The following DDX18 variants were observed in gnomAD, a reference collection of about 807,000 sequenced individuals.
The protein encoded by DDX18 is ATP-dependent RNA helicase DDX18.
In DDX18, 23 loss-of-function variants were observed where a neutral mutation model predicts 73.5. The observed-to-expected ratio is 0.31, with a 90% CI of 0.23 to 0.44. DDX18 has a LOEUF of 0.44. Among genes scored for constraint, DDX18 ranks in the 20% least tolerant of loss-of-function variants. The pLI, the probability that DDX18 is intolerant of heterozygous loss-of-function variation, is 1.00. For missense variants in DDX18, 753 were observed against 792.9 expected (o/e 0.95, Z 0.60); for synonymous variants, 268 against 282.7 (o/e 0.95, Z 0.52).
chr2:117,830,449 G>A, intron 13 of DDX18, 133 bp from the exon 14 acceptor site: 1 of 1,121,554 alleles, frequency 8.9e-7, no homozygotes, highest in Non-Finnish European at 1.2e-6. Context: ...ATAGGCTTAT[G>A]TTCCCACATT....
chr2:117,829,773 G>A (rs1679991368), intron 13 of DDX18, among the ~76,000 whole-genome samples: 1 of 152,152 alleles, frequency 6.6e-6, no homozygotes, highest in Non-Finnish European at 1.5e-5. Context: ...AGAAACACAG[G>A]TTAAAAAAAT....
chr2:117,825,787 G>A (rs1454709928), intron 10 of DDX18, 188 bp downstream of exon 10: 3 of 585,956 alleles, frequency 5.1e-6, no homozygotes, highest in Non-Finnish European at 8.6e-6. Flanking sequence ...TGTGCCAGAG[G>A]ATTGAAAAGG....
intron 10 of DDX18, chr2:117,825,965 G>A (rs979160303): frequency 4.4e-5 from 16 of 363,826 alleles, no homozygotes; most frequent in East Asian, 8.8e-5. Flanking sequence ...GATTAAAGCC[G>A]TTTTGATGAT....
Position 117,831,017 on chromosome 2 carries a change from G to T in DDX18, c.*293G>T. 1 of 316,578 alleles carries T rather than the reference G, an allele frequency of 3.2e-6. No individual in the cohort carries two copies. Among genetic ancestry groups the T allele is most frequent in the Non-Finnish European group, 5.7e-6 (1 of 174,592 alleles). The allele number at this position is 316,578 out of a possible 1,614,324, so 19.6% of individuals were successfully genotyped here. A position where few individuals can be genotyped will look rare whatever the true frequency, so the allele number is the denominator to read the frequency against. ...ATATCCCTCCCTCATACAAGTGTAT[G>T]TTACCATTTTAATATAATTCTTTTT... On this transcript the variant is annotated 3_prime_UTR_variant, in exon 14 of 14. Coordinates refer to ENST00000263239, the MANE Select transcript of DDX18 (RefSeq NM_006773.4).
In DDX18 at chr2:117,819,751, A is replaced by T. The variant is rs752875674; in HGVS notation, c.473A>T (p.Glu158Val). 3 of 1,608,394 alleles carry T rather than the reference A, an allele frequency of 1.9e-6. No individual in the cohort carries two copies. Among genetic ancestry groups the T allele is most frequent in the Non-Finnish European group, 2.5e-6 (3 of 1,178,068 alleles). ...ENNVEKPDND[E>V]DESEVPSLPL... ...AATGTGGAGAAGCCAGATAATGATG[A>T]AGATGAGAGTGAGGTGCCCAGTCTG... The change falls in exon 3 of 14, where the codon GAA becomes GTA. Residue 158 changes from glutamate to valine, a missense_variant. Physicochemically the swap from Glu to Val is moderately radical, Grantham distance 121. This residue lies in a region of DDX18 where 345 missense variants were observed against 352.0 expected (regional missense o/e 0.98). Transcript: ENST00000263239.
chr2:117,814,844 C>T lies in DDX18; in HGVS notation c.67C>T (p.Arg23Trp), dbSNP rs1679728380. The change falls in exon 1 of 14, where the codon CGG becomes TGG. Residue 23 changes from arginine to tryptophan, a missense_variant. Coordinates refer to ENST00000263239, the MANE Select transcript of DDX18 (RefSeq NM_006773.4). ...IEKRNLKLRQ[R>W]NLKFQGASNL... Reference sequence around the variant, plus strand: ...GAAGCGGAACCTCAAATTGCGGCAGCGGAACCTAAAGTTTCAGGGTGAGAT... The same window carrying T: ...GAAGCGGAACCTCAAATTGCGGCAGTGGAACCTAAAGTTTCAGGGTGAGAT... 6.2e-7 allele frequency: 1 copy of T among 1,614,186 alleles called. No homozygotes were observed. The highest frequency in any genetic ancestry group is 1.3e-5 in the African/African-American group (1 of 75,048).
chr2:117,825,113 T>G lies in DDX18; in HGVS notation c.1368+12T>G. 2 of 1,603,148 alleles carry G rather than the reference T, an allele frequency of 1.2e-6. No homozygotes were observed. The highest frequency in any genetic ancestry group is 1.7e-6 in the Non-Finnish European group (2 of 1,176,754). On this transcript the variant is annotated intron_variant, in intron 9 of 13. Transcript: ENST00000263239. ...TCTTGGCCATTCATGTAAGTGATGA[T>G]GATGAGCTCATTGAAAACAGGGTAT... is the stretch of plus-strand genomic sequence containing the variant.
At chr2:117,817,775 A>G in intron 2 of DDX18, 47 bp downstream of exon 2, 1 of 1,539,446 alleles carries the variant, frequency 6.5e-7, no homozygotes, top group East Asian at 2.2e-5. Flanking sequence ...TTTTTCACAG[A>G]CGGTTATTGT....
intron 1 of DDX18, 30 bp from the exon 2 acceptor site, chr2:117,817,414 T>C (rs1021846047): frequency 3.9e-6 from 6 of 1,531,450 alleles, no homozygotes; most frequent in Non-Finnish European, 5.2e-6. Context: ...TCCTTCTTTG[T>C]CACAGTATAT....
chr2:117,817,687 A>G lies in DDX18; in HGVS notation c.329A>G (p.Lys110Arg). The change falls in exon 2 of 14, where the codon AAA becomes AGA. Residue 110 changes from lysine to arginine, a missense_variant. Coordinates refer to ENST00000263239, the MANE Select transcript of DDX18 (RefSeq NM_006773.4). ...TCTTCCAATTCAGAATCAAAAAAGA[A>G]AAAGAAGAAAAAGAGAAAAATGGTG... ...MQSSNSESKK[K>R]KKKKRKMVND... The G allele has an allele frequency of 1.2e-6, 2 of 1,601,066 alleles. No homozygotes were observed. Among genetic ancestry groups the G allele is most frequent in the Non-Finnish European group, 1.7e-6 (2 of 1,174,716 alleles).
chr2:117,826,652 C>G (rs767165778), intron 11 of DDX18: 51 of 436,388 alleles, frequency 1.2e-4, no homozygotes, highest in Non-Finnish European at 2.0e-4. Context: ...CTCTTTGAAA[C>G]CTTCTCCACT....
At chr2:117,815,738 A>G (rs1679746239) in intron 1 of DDX18, 2 of 152,246 alleles carry the variant, frequency 1.3e-5, no homozygotes, top group South Asian at 4.1e-4. Flanking sequence ...GTAAATTTGA[A>G]CAAAAGATGG....
rs993719162 is a variant in DDX18, at chr2:117,830,882, C to T, written c.*158C>T. 1.6e-5 allele frequency: 12 copies of T among 764,376 alleles called. No individual in the cohort carries two copies. Among genetic ancestry groups the T allele is most frequent in the Admixed American group, 1.4e-4 (4 of 28,554 alleles). 47.3% of individuals were successfully genotyped at this position (764,376 alleles called of 1,614,324 possible). On this transcript the variant is annotated 3_prime_UTR_variant, in exon 14 of 14. Transcript: ENST00000263239. ...GCACTGAGCACTGTTACTTCTATCA[C>T]GTCTCTCTTTTATTTCTGGGATATA... is the stretch of plus-strand genomic sequence containing the variant.
intron 2 of DDX18, among the ~76,000 whole-genome samples, chr2:117,818,532 G>A (rs1207191991): frequency 6.6e-6 from 1 of 152,158 alleles, no homozygotes; most frequent in African/African-American, 2.4e-5. Context: ...TCTTCATGAT[G>A]CCTACACACA....
At chr2:117,824,102 G>C (rs1451504560) in intron 7 of DDX18, among the ~76,000 whole-genome samples, 1 of 152,140 alleles carries the variant, frequency 6.6e-6, no homozygotes, top group African/African-American at 2.4e-5. Flanking sequence ...TTGGTCCATA[G>C]TTTTCTTGTC....
At position 117,831,395 on chromosome 2, in the gene DDX18, A is replaced by G. The variant is rs1680022192; in HGVS notation, c.*671A>G. 1 of 152,288 alleles carries G rather than the reference A, an allele frequency of 6.6e-6. No individual in the cohort carries two copies. The highest frequency in any genetic ancestry group is 2.4e-5 in the African/African-American group (1 of 41,464). The allele number at this position is 152,288 out of a possible 1,614,324, so 9.4% of individuals were successfully genotyped here. ...TTGAATAAAGTGTCACTAAGCAGTT[A>G]TAACGTTTGATGGCTGGGGGGTAGG... On this transcript the variant is annotated 3_prime_UTR_variant, in exon 14 of 14. Transcript: ENST00000263239.
chr2:117,829,269 A>T lies in DDX18; in HGVS notation c.1693-20A>T. ...TTGTTTGTTTTTGTTTATTAAAACC[A>T]GTGTTTCTTTCTATTTCAGCTTGAG... On this transcript the variant is annotated intron_variant, in intron 12 of 13. Transcript: ENST00000263239. 1 of 1,570,452 alleles carries T rather than the reference A, an allele frequency of 6.4e-7. No homozygotes were observed. Among genetic ancestry groups the T allele is most frequent in the Non-Finnish European group, 8.6e-7 (1 of 1,162,598 alleles).
chr2:117,829,695 C>G (rs2104627912), intron 13 of DDX18, among the ~76,000 whole-genome samples: 1 of 152,240 alleles, frequency 6.6e-6, no homozygotes, highest in Admixed American at 6.5e-5. Flanking sequence ...CAGCTTATGC[C>G]TTGAGCCTTC....
intron 2 of DDX18, among the ~76,000 whole-genome samples, chr2:117,818,391 A>G (rs1469276592): frequency 6.6e-6 from 1 of 152,192 alleles, no homozygotes; most frequent in Non-Finnish European, 1.5e-5. Context: ...CAAAGCCTAA[A>G]CTATTTACTA....
Sources: allele counts gnomAD v4.1 joint callset (sites outside exome capture counted in the v4.1 genomes callset), GRCh38; gene constraint gnomAD v4.1.1; regional missense constraint gnomAD v4.1.1; transcripts MANE v1.5; gene names NCBI Gene and HGNC (gene_info 2026-07-23, HGNC 2026-07-21).